The following ARHGAP32 variants were observed in gnomAD, a reference collection of about 807,000 sequenced individuals.
ARHGAP32 encodes the protein Rho GTPase activating protein 32.
A neutral mutation model predicts 186.5 loss-of-function variants in ARHGAP32; 51 were observed. That is an observed-to-expected ratio of 0.27 (90% CI 0.22 to 0.35). The LOEUF (loss-of-function observed/expected upper bound fraction) is 0.35, where lower values mean the gene tolerates loss of function less well. Among genes scored for constraint, ARHGAP32 ranks in the 10% least tolerant of loss-of-function variants. The pLI, the probability that ARHGAP32 is intolerant of heterozygous loss-of-function variation, is 1.00. For missense variants in ARHGAP32, 2,186 were observed against 2,623.5 expected, an observed-to-expected ratio of 0.83 and a Z score of 3.64; for synonymous variants, 950 against 964.3, an observed-to-expected ratio of 0.99 and a Z score of 0.27.
intron 2 of ARHGAP32, among the ~76,000 whole-genome samples, chr11:129,154,171 T>C (rs918296360): frequency 1.3e-5 from 2 of 152,082 alleles, no homozygotes; most frequent in African/African-American, 4.8e-5. Flanking sequence ...AAATTAAAAT[T>C]ACAATGAGAT....
chr11:129,103,439 A>G (rs763780374), intron 5 of ARHGAP32, among the ~76,000 whole-genome samples: 21 of 152,100 alleles, frequency 1.4e-4, no homozygotes, highest in Admixed American at 3.9e-4. Flanking sequence ...AACCATAGAT[A>G]TAATTGGAGT....
At chr11:128,982,811 G>A (rs1487711098) in intron 15 of ARHGAP32, among the ~76,000 whole-genome samples, 15 of 147,082 alleles carry the variant, frequency 1.0e-4, no homozygotes, top group Admixed American at 6.3e-4. Flanking sequence ...GATTGCTTCA[G>A]CCCAGGAAGG....
chr11:129,047,111 G>A (rs1276492299), intron 10 of ARHGAP32, among the ~76,000 whole-genome samples: 2 of 147,382 alleles, frequency 1.4e-5, no homozygotes, highest in African/African-American at 5.0e-5. Context: ...CTGGGTGACA[G>A]AGTGAAAGAC....
At chr11:129,218,903 T>C (rs1944678999) in intron 1 of ARHGAP32, among the ~76,000 whole-genome samples, 1 of 152,084 alleles carries the variant, frequency 6.6e-6, no homozygotes, top group Non-Finnish European at 1.5e-5. Flanking sequence ...GAGAAGAACA[T>C]CTGTTGTAAG....
At position 129,140,545 on chromosome 11, in the gene ARHGAP32, A is replaced by C. The variant is rs895303583; in HGVS notation, c.226-15651T>G. Among the ~76,000 whole-genome samples the C allele has an allele frequency of 8.5e-5, 13 of 152,196 alleles. No individual in the cohort carries two copies. The East Asian group carries it at 1.9e-3, about 23-fold the overall frequency. On this transcript the variant is annotated intron_variant, in intron 2 of 22. Coordinates refer to ENST00000682385, the MANE Select transcript of ARHGAP32 (RefSeq NM_001378024.1). ...CTCCTTTATCTCTCATGGAAGTAAA[A>C]CTCTTTCCCAGGACTTGGGATGTAA...
At position 128,998,369 on chromosome 11, in the gene ARHGAP32, C is replaced by A; in HGVS notation, c.1145G>T (p.Arg382Met). The A allele has an allele frequency of 6.2e-7, 1 of 1,600,672 alleles. No individual in the cohort carries two copies. Among genetic ancestry groups the A allele is most frequent in the Non-Finnish European group, 8.5e-7 (1 of 1,172,962 alleles). The change falls in exon 12 of 23, where the codon AGG becomes ATG. Residue 382 changes from arginine to methionine, a missense_variant. By Grantham distance (91) the Arg-to-Met change is moderately conservative. Around this residue, in one of 5 missense-constraint regions of ARHGAP32, gnomAD observed 308 missense variants for 596.5 expected, o/e 0.52. Coordinates refer to ENST00000682385, the MANE Select transcript of ARHGAP32 (RefSeq NM_001378024.1). Reference sequence around the variant, plus strand: ...TTCCCCCAGGTCACAACCAAACACCCTCTCTTTCAAGATTCCCCGCTGCTT... The same window carrying A: ...TTCCCCCAGGTCACAACCAAACACCATCTCTTTCAAGATTCCCCGCTGCTT... ...KLKQRGILKE[R>M]VFGCDLGEHL...
intron 12 of ARHGAP32, among the ~76,000 whole-genome samples, chr11:128,989,482 G>A (rs1420732822): frequency 1.4e-5 from 2 of 145,300 alleles, no homozygotes; most frequent in African/African-American, 5.1e-5. Flanking sequence ...GGCAGTCCAA[G>A]TACAGAGCCA....
chr11:128,989,186 C>T (rs1367240917), intron 12 of ARHGAP32, among the ~76,000 whole-genome samples: 3 of 152,014 alleles, frequency 2.0e-5, no homozygotes, highest in African/African-American at 4.8e-5. Context: ...GTCCTTCATG[C>T]AATCCATCTT....
intron 5 of ARHGAP32, among the ~76,000 whole-genome samples, chr11:129,119,594 G>A (rs1181095431): frequency 1.3e-5 from 2 of 151,906 alleles, no homozygotes; most frequent in Non-Finnish European, 2.9e-5. Flanking sequence ...AGATGTTGAG[G>A]GGAAGAAAAT....
intron 1 of ARHGAP32, among the ~76,000 whole-genome samples, chr11:129,245,190 G>C (rs1170568957): frequency 2.3e-5 from 3 of 131,210 alleles, no homozygotes; most frequent in African/African-American, 5.7e-5. Context: ...CAAAGACTTG[G>C]AACCAACCCA....
intron 6 of ARHGAP32, among the ~76,000 whole-genome samples, chr11:129,087,639 C>A (rs1361218000): frequency 6.6e-6 from 1 of 152,194 alleles, no homozygotes; most frequent in Admixed American, 6.5e-5. Flanking sequence ...TAATACTATT[C>A]TGTATGATAC....
At chr11:128,996,861 C>A (rs1273546287) in intron 12 of ARHGAP32, among the ~76,000 whole-genome samples, 1 of 152,026 alleles carries the variant, frequency 6.6e-6, no homozygotes. Context: ...AGCTTACCGA[C>A]CCCCACCTCC....
chr11:129,077,281 C>T (rs1167324556), intron 6 of ARHGAP32, among the ~76,000 whole-genome samples: 1 of 152,140 alleles, frequency 6.6e-6, no homozygotes, highest in Non-Finnish European at 1.5e-5. Context: ...TACGCAGAAT[C>T]CAGGTTGGGT....
intron 12 of ARHGAP32, chr11:128,993,304 G>A (rs571735800): frequency 6.6e-6 from 1 of 152,182 alleles, no homozygotes; most frequent in African/African-American, 2.4e-5. Flanking sequence ...TCTCTGTATT[G>A]TTCAAATTTT....
chr11:129,107,967 T>C (rs1280283504), intron 5 of ARHGAP32, among the ~76,000 whole-genome samples: 1 of 151,786 alleles, frequency 6.6e-6, no homozygotes, highest in Non-Finnish European at 1.5e-5. Flanking sequence ...AGATGTTCTA[T>C]GTAATCACTG....
intron 6 of ARHGAP32, among the ~76,000 whole-genome samples, chr11:129,088,406 C>T (rs1158227694): frequency 1.3e-5 from 2 of 151,920 alleles, no homozygotes; most frequent in East Asian, 3.9e-4. Context: ...ATGGTGAAAC[C>T]CCGTCTCTAC....
At chr11:129,190,041 A>G (rs571021888) in intron 1 of ARHGAP32, among the ~76,000 whole-genome samples, 2 of 152,346 alleles carry the variant, frequency 1.3e-5, no homozygotes, top group East Asian at 3.9e-4. Context: ...TGGAAATGTA[A>G]CCAATACGAC....
At chr11:129,017,108 C>T (rs377668532) in intron 11 of ARHGAP32, among the ~76,000 whole-genome samples, 21 of 152,100 alleles carry the variant, frequency 1.4e-4, no homozygotes, top group Non-Finnish European at 2.2e-4. Context: ...CAGCTCCTAA[C>T]GGTATGATTA....
chr11:129,151,024 G>T (rs1458710443), intron 2 of ARHGAP32, among the ~76,000 whole-genome samples: 3 of 151,732 alleles, frequency 2.0e-5, no homozygotes, highest in Non-Finnish European at 4.4e-5. Context: ...AAGGTAAAGG[G>T]GTGGGAAAAG....
Sources: gnomAD v4.1 joint callset for allele counts (sites outside exome capture counted in the v4.1 genomes callset) on GRCh38, gnomAD v4.1.1 for gene constraint, gnomAD v4.1.1 regional missense constraint, MANE v1.5 for transcripts, NCBI Gene and HGNC (gene_info 2026-07-23, HGNC 2026-07-21) for gene names.